XXYLT1: variants seen among roughly 807,000 people sequenced by gnomAD.
XXYLT1 encodes the protein xyloside xylosyltransferase 1.
In XXYLT1, 20 loss-of-function variants were observed where a neutral mutation model predicts 28.9. The observed-to-expected ratio is 0.69, with a 90% confidence interval of 0.49 to 1.00. XXYLT1 has a LOEUF of 1.00. Among genes scored for constraint, XXYLT1 ranks in the 50% least tolerant of loss-of-function variants. The probability of loss-of-function intolerance (pLI) is 0.00; values close to 1 mark genes in which losing one functional copy is unlikely to be tolerated. For synonymous variants in XXYLT1, 257 were observed against 253.8 expected, an observed-to-expected ratio of 1.01 and a Z score of -0.12; for missense variants, 542 against 560.1, an observed-to-expected ratio of 0.97 and a Z score of 0.33.
At chr3:195,093,634 A>C (rs1256124818) in intron 3 of XXYLT1, 1 of 151,780 alleles carries the variant, frequency 6.6e-6, no homozygotes, top group Non-Finnish European at 1.5e-5. Context: ...TACATATGTA[A>C]CTAACCTGCA....
At chr3:195,179,939 G>A (rs1045626739) in intron 2 of XXYLT1, among the ~76,000 whole-genome samples, 11 of 152,114 alleles carry the variant, frequency 7.2e-5, no homozygotes, top group African/African-American at 2.2e-4. Flanking sequence ...GTGATCCCTC[G>A]GGCCTTTGCT....
chr3:195,254,931 A>G (rs902311285), intron 1 of XXYLT1, among the ~76,000 whole-genome samples: 11 of 152,220 alleles, frequency 7.2e-5, no homozygotes, highest in African/African-American at 2.7e-4. Context: ...AAGATGAGGT[A>G]GAGCCAGGAT....
chr3:195,242,878 T>C (rs867717457), intron 1 of XXYLT1, among the ~76,000 whole-genome samples: 6 of 152,322 alleles, frequency 3.9e-5, no homozygotes, highest in Middle Eastern at 3.4e-3. Flanking sequence ...CAGTTTCTAA[T>C]GGCTGGCATT....
intron 2 of XXYLT1, among the ~76,000 whole-genome samples, chr3:195,163,304 A>T (rs1720964147): frequency 6.6e-6 from 1 of 151,196 alleles, no homozygotes; most frequent in Admixed American, 6.6e-5. Flanking sequence ...CCTTCCAACC[A>T]CTCTCTCCCT....
intron 1 of XXYLT1, among the ~76,000 whole-genome samples, chr3:195,264,419 C>T (rs148891322): frequency 1.5e-3 from 225 of 152,360 alleles, no homozygotes; most frequent in African/African-American, 5.0e-3. Context: ...AGGGCTGTGG[C>T]TCCCTCACTT....
chr3:195,122,361 A>G (rs1002188668), intron 3 of XXYLT1, among the ~76,000 whole-genome samples: 5 of 152,096 alleles, frequency 3.3e-5, no homozygotes, highest in Non-Finnish European at 7.4e-5. Context: ...AGGCTCTGAT[A>G]TCTCCCCATC....
At chr3:195,253,963 G>C (rs968805658) in intron 1 of XXYLT1, among the ~76,000 whole-genome samples, 14 of 152,326 alleles carry the variant, frequency 9.2e-5, no homozygotes, top group Non-Finnish European at 1.8e-4. Flanking sequence ...GAGTTTTAAA[G>C]GGTAACACCA....
At chr3:195,099,106 G>A (rs1413757022) in intron 3 of XXYLT1, among the ~76,000 whole-genome samples, 3 of 152,134 alleles carry the variant, frequency 2.0e-5, no homozygotes, top group African/African-American at 7.2e-5. Context: ...ATGTACCAGG[G>A]GAACCGAGGA....
At chr3:195,188,291 C>T (rs571423139) in intron 2 of XXYLT1, among the ~76,000 whole-genome samples, 54 of 152,282 alleles carry the variant, frequency 3.5e-4, no homozygotes, top group African/African-American at 8.7e-4. Flanking sequence ...GGCTCAAACA[C>T]GGGACCAAAT....
At chr3:195,170,641 G>T (rs980805955) in intron 2 of XXYLT1, among the ~76,000 whole-genome samples, 1 of 152,158 alleles carries the variant, frequency 6.6e-6, no homozygotes, top group African/African-American at 2.4e-5. Context: ...AGTACATCTT[G>T]GAAAGAGCAG....
intron 2 of XXYLT1, among the ~76,000 whole-genome samples, chr3:195,206,867 T>A (rs1355258596): frequency 6.6e-6 from 1 of 150,664 alleles, no homozygotes. Context: ...TGGGTGGGAG[T>A]CGAGATGAAA....
chr3:195,190,493 CAAAAAAAAAAAAA>C (rs57722997), intron 2 of XXYLT1, among the ~76,000 whole-genome samples: 9 of 34,988 alleles, frequency 2.6e-4, no homozygotes, highest in Non-Finnish European at 3.4e-4. Flanking sequence ...GACTCTGTCT[CAAAAAAAAAAAAA>C]AAAAAAAAAA....
chr3:195,094,446 G>T (rs369672635), intron 3 of XXYLT1: 1 of 154,040 alleles, frequency 6.5e-6, no homozygotes, highest in Non-Finnish European at 1.5e-5. Flanking sequence ...AGGCTTCCTC[G>T]CCCCTTGTTC....
intron 3 of XXYLT1, among the ~76,000 whole-genome samples, chr3:195,126,923 C>T (rs1018396169): frequency 1.1e-4 from 16 of 152,150 alleles, no homozygotes; most frequent in Admixed American, 7.9e-4. Flanking sequence ...ACAGAGGGTC[C>T]GAAAGACTCT....
chr3:195,233,777 T>C (rs1724403320), intron 1 of XXYLT1, among the ~76,000 whole-genome samples: 1 of 152,256 alleles, frequency 6.6e-6, no homozygotes, highest in South Asian at 2.1e-4. Context: ...ATCAGAAATA[T>C]ACACATTGCA....
rs1391030251 is a variant in XXYLT1 at position 195,144,385 on chromosome 3, C to CT, written c.785+12063dup. Among the ~76,000 whole-genome samples the CT allele has an allele frequency of 4.0e-3, 606 of 150,996 alleles. 3 individuals carry two copies. The highest frequency in any genetic ancestry group is 0.013 in the African/African-American group (546 of 41,192). On this transcript the variant is annotated intron_variant, in intron 3 of 3. Coordinates refer to ENST00000310380, the MANE Select transcript of XXYLT1 (RefSeq NM_152531.5). ...GGCAAAGGGGGTCAAACGGTTCCTCCTTTTTTTTTGAGACACAGTCTTGCC... is the reference window on the plus strand; with the variant it reads ...GGCAAAGGGGGTCAAACGGTTCCTCCTTTTTTTTTTGAGACACAGTCTTGCC...
chr3:195,268,691 A>T (rs1725923122), intron 1 of XXYLT1, among the ~76,000 whole-genome samples: 1 of 152,132 alleles, frequency 6.6e-6, no homozygotes, highest in Non-Finnish European at 1.5e-5. Context: ...GTCCCCAGAC[A>T]CTAAACCCTC....
chr3:195,103,611 A>G (rs1294354525), intron 3 of XXYLT1, among the ~76,000 whole-genome samples: 2 of 152,246 alleles, frequency 1.3e-5, no homozygotes, highest in Non-Finnish European at 2.9e-5. Context: ...CCTTACATTC[A>G]CTGTCGCTGT....
chr3:195,154,845 ATTCT>A (rs751142984), intron 3 of XXYLT1, among the ~76,000 whole-genome samples: 1 of 152,120 alleles, frequency 6.6e-6, no homozygotes, highest in East Asian at 1.9e-4. Flanking sequence ...GGCCCCTCAA[ATTCT>A]TTCTTCTGAA....
Sources: gnomAD v4.1 joint callset for allele counts (sites outside exome capture counted in the v4.1 genomes callset) on GRCh38, gnomAD v4.1.1 for gene constraint, MANE v1.5 for transcripts, NCBI Gene and HGNC (gene_info 2026-07-23, HGNC 2026-07-21) for gene names.